PKP2: variants seen among roughly 807,000 people sequenced by gnomAD.
The protein encoded by PKP2 is plakophilin 2.
Under a neutral mutation model 83.4 loss-of-function variants are expected in PKP2, and 73 were observed. That is an observed-to-expected ratio of 0.88 (90% CI 0.72 to 1.06). The LOEUF is 1.06. Among genes scored for constraint, PKP2 ranks in the 50% least tolerant of loss-of-function variants. PKP2 has a pLI of 0.00. For synonymous variants in PKP2, 409 were observed against 430.4 expected (o/e 0.95, Z 0.62); for missense variants, 966 against 1,065.4 (o/e 0.91, Z 1.30).
At chr12:32,819,930 A>C in intron 9 of PKP2, among the ~76,000 whole-genome samples, 1 of 149,168 alleles carries the variant, frequency 6.7e-6, no homozygotes, top group East Asian at 2.0e-4. Flanking sequence ...GCTGGGAATT[A>C]AAAAGAGGGC....
intron 10 of PKP2, among the ~76,000 whole-genome samples, chr12:32,800,582 G>A (rs1956169927): frequency 6.6e-6 from 1 of 152,166 alleles, no homozygotes; most frequent in Non-Finnish European, 1.5e-5. Flanking sequence ...GCTACTTAAT[G>A]TCTCTATTTG....
At chr12:32,812,179 A>G (rs1019392481) in intron 9 of PKP2, among the ~76,000 whole-genome samples, 1 of 143,100 alleles carries the variant, frequency 7.0e-6, no homozygotes, top group Non-Finnish European at 1.5e-5. Flanking sequence ...CTGCGTTTTG[A>G]CTGTGACTCG....
intron 3 of PKP2, among the ~76,000 whole-genome samples, chr12:32,874,224 A>G (rs1956915448): frequency 6.6e-6 from 1 of 152,168 alleles, no homozygotes. Context: ...ATCCCCCCCA[A>G]AAAAGGGCTG....
intron 6 of PKP2, among the ~76,000 whole-genome samples, chr12:32,838,546 T>G (rs1421879923): frequency 6.6e-6 from 1 of 152,160 alleles, no homozygotes; most frequent in East Asian, 1.9e-4. Flanking sequence ...CTTTAGCCTA[T>G]GTTTCCAATT....
In PKP2 at chr12:32,798,210, G is replaced by A. The variant is rs182169171; in HGVS notation, c.2168-1912C>T. ...AGCAATTCTCCTGCCTCAGCCTCCC[G>A]AGTAGCTAGGATTACAGGTACGCAC... On this transcript the variant is annotated intron_variant, in intron 10 of 12. Transcript: ENST00000340811. 2.6e-3 allele frequency among the ~76,000 whole-genome samples: 392 copies of A among 148,760 alleles called. 2 individuals carry two copies. The highest frequency in any genetic ancestry group is 4.2e-3 in the Non-Finnish European group (285 of 67,474).
At position 32,792,755 on chromosome 12, in the gene PKP2, G is replaced by A. The variant is rs756475712; in HGVS notation, c.2358-24C>T. 1.4e-5 allele frequency: 22 copies of A among 1,590,330 alleles called. No individual in the cohort carries two copies. In the South Asian group the frequency reaches 2.4e-4, roughly 18 times the overall value. ...AGCTGAAAAGAAAAGGACATTCTGA[G>A]ATCAGGGAGAATGAGTGAGGCTTCT... is the stretch of plus-strand genomic sequence containing the variant. On this transcript the variant is annotated intron_variant, in intron 11 of 12. Coordinates refer to ENST00000340811, the MANE Select transcript of PKP2 (RefSeq NM_001005242.3).
At chr12:32,813,797 TAAG>T (rs927890412) in intron 9 of PKP2, among the ~76,000 whole-genome samples, 2 of 150,446 alleles carry the variant, frequency 1.3e-5, no homozygotes, top group African/African-American at 2.4e-5. Flanking sequence ...AAAAAAAAAA[TAAG>T]GAGGAAGAAA....
intron 8 of PKP2, 122 bp downstream of exon 8, chr12:32,822,345 G>T: frequency 1.2e-6 from 1 of 832,304 alleles, no homozygotes; most frequent in Non-Finnish European, 2.0e-6. Context: ...GTTGATGTAA[G>T]AATTAAAATA....
At chr12:32,809,207 T>C (rs1407832477) in intron 9 of PKP2, among the ~76,000 whole-genome samples, 3 of 152,106 alleles carry the variant, frequency 2.0e-5, no homozygotes, top group African/African-American at 4.8e-5. Context: ...TCTGTCCATA[T>C]AAGCCCGGCT....
chr12:32,854,033 T>A (rs967607328), intron 4 of PKP2, among the ~76,000 whole-genome samples: 1 of 152,210 alleles, frequency 6.6e-6, no homozygotes, highest in African/African-American at 2.4e-5. Context: ...AGTAGCAGTA[T>A]ATATATCAGA....
intron 5 of PKP2, among the ~76,000 whole-genome samples, chr12:32,842,559 C>A (rs73303632): frequency 6.6e-6 from 1 of 150,944 alleles, no homozygotes; most frequent in African/African-American, 2.4e-5. Context: ...TCTTTCATAC[C>A]GTAATGGGTT....
chr12:32,850,697 AAG>A (rs1956687605), intron 5 of PKP2, 67 bp downstream of exon 5: 1 of 1,203,372 alleles, frequency 8.3e-7, no homozygotes, highest in South Asian at 1.2e-5. Context: ...ACTTAAGAAA[AAG>A]AGATGATGTA....
chr12:32,859,430 T>A (rs544985305), intron 4 of PKP2, among the ~76,000 whole-genome samples: 10 of 152,262 alleles, frequency 6.6e-5, no homozygotes, highest in Non-Finnish European at 1.3e-4. Context: ...TTTATCATTT[T>A]AAAAAATATT....
At chr12:32,842,163 A>T (rs1421990424) in intron 5 of PKP2, among the ~76,000 whole-genome samples, 2 of 152,160 alleles carry the variant, frequency 1.3e-5, no homozygotes, top group African/African-American at 4.8e-5. Flanking sequence ...AATCCTTCTG[A>T]TTCAGTGGAA....
chr12:32,850,370 G>A (rs975258245), intron 5 of PKP2, among the ~76,000 whole-genome samples: 1 of 151,942 alleles, frequency 6.6e-6, no homozygotes, highest in Non-Finnish European at 1.5e-5. Flanking sequence ...TGGCCAACAT[G>A]GTGAAACTAA....
At chr12:32,880,416 A>AAAACAT in intron 1 of PKP2, among the ~76,000 whole-genome samples, 1 of 152,254 alleles carries the variant, frequency 6.6e-6, no homozygotes, top group African/African-American at 2.4e-5. Flanking sequence ...AACAAAAACA[A>AAAACAT]AAGCAAGAAA....
At chr12:32,850,659 T>C (rs1299493591) in intron 5 of PKP2, 107 bp downstream of exon 5, 5 of 836,098 alleles carry the variant, frequency 6.0e-6, no homozygotes, top group African/African-American at 1.7e-5. Flanking sequence ...AGCATAACAA[T>C]GAGCCCATCA....
At position 32,892,315 on chromosome 12, in the gene PKP2, CT is replaced by C. The variant is rs375237005; in HGVS notation, c.223+4193del. On this transcript the variant is annotated intron_variant, in intron 1 of 12. Coordinates refer to ENST00000340811, the MANE Select transcript of PKP2 (RefSeq NM_001005242.3). ...TTTTCAATTCTCTCTCCAGAATTCA[CT>C]TTTTTTTTTTTTTTTGAGATGGAGT... Among the ~76,000 whole-genome samples, 981 of 137,386 alleles carry C rather than the reference CT, an allele frequency of 7.1e-3. 4 individuals carry two copies. The highest frequency in any genetic ancestry group is 0.03 in the Middle Eastern group (8 of 268). 90.1% of individuals were successfully genotyped at this position (137,386 alleles called of 152,430 possible). A position where few individuals can be genotyped will look rare whatever the true frequency, so the allele number is the denominator to read the frequency against.
At position 32,802,568 on chromosome 12, in the gene PKP2, G is replaced by A; in HGVS notation, c.2014-12C>T. The A allele has an allele frequency of 6.2e-7, 1 of 1,612,706 alleles. No homozygotes were observed. Among genetic ancestry groups the A allele is most frequent in the South Asian group, 1.1e-5 (1 of 91,062 alleles). ...ACTGATGTCGGCATCTGTTTTGTGA[G>A]ACATATCCTATAAGTGCTATTGTAT... is the stretch of plus-strand genomic sequence containing the variant. On this transcript the variant is annotated splice_polypyrimidine_tract_variant and intron_variant, in intron 9 of 12. Transcript: ENST00000340811.
Sources: gnomAD v4.1 joint callset for allele counts (sites outside exome capture counted in the v4.1 genomes callset) on GRCh38, gnomAD v4.1.1 for gene constraint, MANE v1.5 for transcripts, NCBI Gene and HGNC (gene_info 2026-07-23, HGNC 2026-07-21) for gene names.